Variants in GNB1 observed in about 807,000 individuals in gnomAD.
GNB1 encodes the protein G protein subunit beta 1.
A neutral mutation model predicts 42.9 loss-of-function variants in GNB1; 2 were observed. The ratio of observed to expected loss-of-function variants is 0.05; its 90% CI spans 0.02 to 0.15. The LOEUF (loss-of-function observed/expected upper bound fraction) is 0.15, where lower values mean the gene tolerates loss of function less well. Ranked by LOEUF, GNB1 falls within the 10% of genes least tolerant of loss-of-function variation. GNB1 has a pLI of 1.00. For synonymous variants in GNB1, 183 were observed against 174.7 expected (o/e 1.05, Z -0.38); for missense variants, 193 against 462.2 (o/e 0.42, Z 5.34).
chr1:1,838,094 T>C (rs1199870451), intron 2 of GNB1, among the ~76,000 whole-genome samples: 1 of 151,740 alleles, frequency 6.6e-6, no homozygotes, highest in Non-Finnish European at 1.5e-5. Context: ...TCCCAGCTAA[T>C]TGGGAGGCTG....
chr1:1,865,290 C>CAAAAAAAAACCA (rs1648869244), intron 1 of GNB1, among the ~76,000 whole-genome samples: 4 of 114,802 alleles, frequency 3.5e-5, no homozygotes, highest in Admixed American at 9.2e-5. Context: ...AAAAAAAAAC[C>CAAAAAAAAACCA]AAAAAAAAAA....
At chr1:1,831,041 T>C (rs1014382679) in intron 2 of GNB1, among the ~76,000 whole-genome samples, 11 of 152,180 alleles carry the variant, frequency 7.2e-5, no homozygotes, top group African/African-American at 2.7e-4. Flanking sequence ...GATGCGTGCC[T>C]GTAATCCCAC....
intron 3 of GNB1, among the ~76,000 whole-genome samples, chr1:1,823,635 T>A (rs1442800796): frequency 1.3e-5 from 2 of 152,228 alleles, no homozygotes; most frequent in Admixed American, 6.5e-5. Flanking sequence ...ATCTTTTAAA[T>A]GTTAAGATTT....
intron 5 of GNB1, among the ~76,000 whole-genome samples, chr1:1,815,456 TG>T (rs1488210306): frequency 6.6e-6 from 1 of 152,144 alleles, no homozygotes. Flanking sequence ...GCAGTAGAAC[TG>T]GGAAGACAGA....
intron 1 of GNB1, among the ~76,000 whole-genome samples, chr1:1,884,859 A>G (rs1216412658): frequency 6.6e-6 from 1 of 150,870 alleles, no homozygotes; most frequent in Non-Finnish European, 1.5e-5. Flanking sequence ...ATTTTTTTGT[A>G]TTTTTAGCAG....
intron 2 of GNB1, among the ~76,000 whole-genome samples, chr1:1,831,782 G>A (rs1050207501): frequency 1.3e-5 from 2 of 150,944 alleles, no homozygotes. Flanking sequence ...AATAGGTCTG[G>A]GCGCGGTGGC....
intron 1 of GNB1, among the ~76,000 whole-genome samples, chr1:1,887,670 C>A (rs142981026): frequency 1.3e-5 from 2 of 152,386 alleles, no homozygotes; most frequent in African/African-American, 4.8e-5. Flanking sequence ...CTCTGTCGCC[C>A]AGTGGCACAA....
intron 1 of GNB1, among the ~76,000 whole-genome samples, chr1:1,842,206 A>G (rs543098616): frequency 4.1e-4 from 62 of 152,324 alleles, no homozygotes; most frequent in South Asian, 1.5e-3. Context: ...CAAGGCGGGC[A>G]GATCACAAGG....
chr1:1,839,512 G>A (rs1461057997), intron 1 of GNB1: 1 of 152,064 alleles, frequency 6.6e-6, no homozygotes, highest in Admixed American at 6.6e-5. Flanking sequence ...TGGGCACAGA[G>A]GTTAGAATCC....
At chr1:1,873,700 C>A (rs1421399099) in intron 1 of GNB1, among the ~76,000 whole-genome samples, 1 of 152,140 alleles carries the variant, frequency 6.6e-6, no homozygotes, top group African/African-American at 2.4e-5. Flanking sequence ...CACCTGTAAT[C>A]CCAGCTACTC....
In GNB1 at chr1:1,786,130, A is replaced by G. The variant is rs1260342242; in HGVS notation, c.*933T>C. ...AACATTGATTTGTACATTGTTTCATACACAAATAATTGACTGACTATCCAA... is the reference window on the plus strand; with the variant it reads ...AACATTGATTTGTACATTGTTTCATGCACAAATAATTGACTGACTATCCAA... On this transcript the variant is annotated 3_prime_UTR_variant, in exon 12 of 12. Transcript: ENST00000378609. The G allele has an allele frequency of 2.5e-6, 1 of 398,578 alleles. No individual in the cohort carries two copies. Among genetic ancestry groups the G allele is most frequent in the African/African-American group, 2.1e-5 (1 of 48,588 alleles). 24.7% of individuals were successfully genotyped at this position (398,578 alleles called of 1,614,324 possible).
chr1:1,839,655 T>A (rs1211152454), intron 1 of GNB1: 1 of 151,820 alleles, frequency 6.6e-6, no homozygotes, highest in Non-Finnish European at 1.5e-5. Flanking sequence ...GAGACCAGCA[T>A]GGTCAACATG....
chr1:1,847,349 G>T (rs1647723878), intron 1 of GNB1, among the ~76,000 whole-genome samples: 1 of 152,108 alleles, frequency 6.6e-6, no homozygotes, highest in South Asian at 2.1e-4. Context: ...CTGCAGTCAG[G>T]AAGTACACTT....
intron 1 of GNB1, among the ~76,000 whole-genome samples, chr1:1,869,740 G>A (rs950629595): frequency 1.3e-5 from 2 of 152,074 alleles, no homozygotes; most frequent in Admixed American, 1.3e-4. Context: ...TTTGTAATAG[G>A]TCAATATATA....
At chr1:1,853,263 C>A (rs142474664) in intron 1 of GNB1, among the ~76,000 whole-genome samples, 1 of 152,170 alleles carries the variant, frequency 6.6e-6, no homozygotes, top group East Asian at 1.9e-4. Context: ...CTCTGACATG[C>A]GACTCCTCCG....
intron 1 of GNB1, among the ~76,000 whole-genome samples, chr1:1,859,756 C>T (rs1334078082): frequency 2.0e-5 from 3 of 150,344 alleles, no homozygotes; most frequent in African/African-American, 7.4e-5. Flanking sequence ...CGCCTGTAAT[C>T]CCAGCACTTT....
At chr1:1,829,299 G>A (rs547059580) in intron 2 of GNB1, among the ~76,000 whole-genome samples, 3 of 152,166 alleles carry the variant, frequency 2.0e-5, no homozygotes, top group East Asian at 1.9e-4. Flanking sequence ...CAGGTGATCC[G>A]CCCGCCTCGG....
At chr1:1,846,268 T>C (rs958037325) in intron 1 of GNB1, among the ~76,000 whole-genome samples, 2 of 151,402 alleles carry the variant, frequency 1.3e-5, no homozygotes, top group African/African-American at 4.9e-5. Context: ...CCAATACACA[T>C]AGAAGGAGTA....
chr1:1,812,915 C>G (rs1646802451), intron 5 of GNB1, among the ~76,000 whole-genome samples: 1 of 146,580 alleles, frequency 6.8e-6, no homozygotes, highest in African/African-American at 2.5e-5. Flanking sequence ...TCACTCTCAT[C>G]CCTTCCAGAC....
Sources: gnomAD v4.1 joint callset for allele counts (sites outside exome capture counted in the v4.1 genomes callset) on GRCh38, gnomAD v4.1.1 for gene constraint, MANE v1.5 for transcripts, NCBI Gene and HGNC (gene_info 2026-07-23, HGNC 2026-07-21) for gene names.